TTC39C: variants seen among roughly 807,000 people sequenced by gnomAD.
TTC39C encodes the protein tetratricopeptide repeat domain 39C.
TTC39C carries 33 observed loss-of-function variants against 76.3 expected under a neutral mutation model. The observed-to-expected ratio is 0.43, with a 90% CI of 0.33 to 0.58. The LOEUF (loss-of-function observed/expected upper bound fraction) is 0.58. Ranked by LOEUF, TTC39C falls within the 20% of genes least tolerant of loss-of-function variation. TTC39C has a pLI of 0.04. For synonymous variants in TTC39C, 254 were observed against 260.6 expected (o/e 0.97, Z 0.24); for missense variants, 595 against 701.4 (o/e 0.85, Z 1.71).
intron 1 of TTC39C, 68 bp from the exon 2 acceptor site, chr18:24,064,072 G>A (rs1043142524): frequency 3.7e-5 from 59 of 1,596,024 alleles, no homozygotes; most frequent in Admixed American, 3.5e-4. Flanking sequence ...TATGTCAAAT[G>A]CTTTTAAAAT....
intron 1 of TTC39C, among the ~76,000 whole-genome samples, chr18:24,025,325 C>T (rs6508100): frequency 1 from 152,293 of 152,380 alleles, 76,103 homozygotes; most frequent in Non-Finnish European, 1. Flanking sequence ...GCTTTAAATA[C>T]ATTAAAAGGA....
intron 5 of TTC39C, among the ~76,000 whole-genome samples, chr18:24,082,357 T>C (rs996951654): frequency 4.6e-5 from 7 of 152,154 alleles, no homozygotes; most frequent in African/African-American, 1.7e-4. Flanking sequence ...ATAATTTGTG[T>C]CTGTGGTTTC....
intron 1 of TTC39C, among the ~76,000 whole-genome samples, chr18:24,027,771 T>A (rs1028790378): frequency 2.6e-5 from 4 of 152,058 alleles, no homozygotes; most frequent in African/African-American, 9.7e-5. Context: ...TCTTGCTGTG[T>A]TGGCCAGGCA....
At chr18:24,002,341 A>T (rs2083319787) in intron 1 of TTC39C, among the ~76,000 whole-genome samples, 1 of 152,226 alleles carries the variant, frequency 6.6e-6, no homozygotes, top group Non-Finnish European at 1.5e-5. Context: ...AGGAAAGAGC[A>T]ACTAAAAGAA....
intron 10 of TTC39C, among the ~76,000 whole-genome samples, chr18:24,126,703 A>G (rs1173195168): frequency 6.6e-6 from 1 of 150,776 alleles, no homozygotes; most frequent in Non-Finnish European, 1.5e-5. Context: ...GGCTGGGTGC[A>G]CTGATGTGTT....
upstream of TTC39C, among the ~76,000 whole-genome samples, chr18:24,012,515 A>G (rs909625410): frequency 6.6e-6 from 1 of 152,162 alleles, no homozygotes. Flanking sequence ...ACTCATAAAC[A>G]TAGTGTCATC....
intron 1 of TTC39C, among the ~76,000 whole-genome samples, chr18:23,997,256 A>G (rs922125225): frequency 1.3e-5 from 2 of 151,778 alleles, no homozygotes; most frequent in Admixed American, 6.6e-5. Flanking sequence ...GTCTCTAAAA[A>G]GAAAAATAAA....
At chr18:24,063,923 A>G (rs1230781878) in intron 1 of TTC39C, among the ~76,000 whole-genome samples, 1 of 152,212 alleles carries the variant, frequency 6.6e-6, no homozygotes, top group Non-Finnish European at 1.5e-5. Context: ...CTTGCTTTGA[A>G]GAATCAGAGG....
chr18:24,008,921 A>G (rs1371459115), intron 1 of TTC39C, among the ~76,000 whole-genome samples: 1 of 152,224 alleles, frequency 6.6e-6, no homozygotes, highest in Non-Finnish European at 1.5e-5. Context: ...GAGCTGGAGG[A>G]CATCATCCTT....
At chr18:24,130,086 A>T (rs1218499093) in intron 11 of TTC39C, among the ~76,000 whole-genome samples, 1 of 152,218 alleles carries the variant, frequency 6.6e-6, no homozygotes, top group Non-Finnish European at 1.5e-5. Flanking sequence ...CTGGAAAAAT[A>T]GTAGCACAAA....
chr18:24,089,517 T>C (rs915256099), intron 6 of TTC39C, among the ~76,000 whole-genome samples: 3 of 152,232 alleles, frequency 2.0e-5, no homozygotes, highest in Non-Finnish European at 4.4e-5. Flanking sequence ...AAGGATGTAT[T>C]TGTATCTCAC....
chr18:24,128,420 T>C (rs1387501386), intron 10 of TTC39C, among the ~76,000 whole-genome samples: 1 of 149,150 alleles, frequency 6.7e-6, no homozygotes, highest in Non-Finnish European at 1.5e-5. Context: ...TATAATATTA[T>C]ATAAAATATA....
At chr18:24,064,267 A>G (rs2084138396) in intron 2 of TTC39C, 79 bp downstream of exon 2, 7 of 1,509,496 alleles carry the variant, frequency 4.6e-6, no homozygotes, top group East Asian at 4.5e-5. Context: ...TACCAGTTGT[A>G]TAGATACACT....
chr18:24,063,448 A>T (rs1243764404), intron 1 of TTC39C, among the ~76,000 whole-genome samples: 1 of 151,186 alleles, frequency 6.6e-6, no homozygotes, highest in African/African-American at 2.4e-5. Flanking sequence ...GTAGAAGATT[A>T]TTTTAAAAAT....
intron 4 of TTC39C, among the ~76,000 whole-genome samples, chr18:24,075,955 C>T (rs2084302767): frequency 6.6e-6 from 1 of 152,146 alleles, no homozygotes; most frequent in Non-Finnish European, 1.5e-5. Context: ...TTTCCTCTCG[C>T]CCCCTCCATC....
rs143809323 is a variant in TTC39C at position 24,004,340 on chromosome 18, T to C, written c.-17+11302T>C. ...TTTATCATCTCACAGTATATCCTTG[T>C]TTTTACTGTTTTTGTCTCAGAGGAG... On this transcript the variant is annotated intron_variant, in intron 1 of 13. Coordinates refer to the TTC39C transcript ENST00000304621. 9.8e-5 allele frequency among the ~76,000 whole-genome samples: 15 copies of C among 152,290 alleles called. No individual in the cohort carries two copies. In the East Asian group the frequency reaches 2.1e-3, roughly 22 times the overall value.
rs7241620 is a variant in TTC39C at position 24,022,834 on chromosome 18, C to T, written c.167+7796C>T. ...ATGCTAGTTGTGCTGGAATATTTTA[C>T]GTCATCCAGCCAGGTATATCTTGCT... On this transcript the variant is annotated intron_variant, in intron 1 of 13. Coordinates refer to ENST00000317571, the MANE Select transcript of TTC39C (RefSeq NM_001135993.2). 4.8e-4 allele frequency: 474 copies of T among 985,394 alleles called. 8 individuals carry two copies. The South Asian group carries it at 0.018, about 38-fold the overall frequency. 61.0% of individuals were successfully genotyped at this position (985,394 alleles called of 1,614,324 possible).
At chr18:24,054,746 A>G (rs1301219795) in intron 1 of TTC39C, among the ~76,000 whole-genome samples, 1 of 152,216 alleles carries the variant, frequency 6.6e-6, no homozygotes, top group African/African-American at 2.4e-5. Context: ...TTGTGGTAAA[A>G]TATACATAAC....
intron 1 of TTC39C, among the ~76,000 whole-genome samples, chr18:24,024,854 A>C (rs2083578102): frequency 6.6e-6 from 1 of 152,082 alleles, no homozygotes; most frequent in Non-Finnish European, 1.5e-5. Flanking sequence ...ACCCAAAATA[A>C]ATAGTTGGTT....
Sources: gnomAD v4.1 joint callset for allele counts (sites outside exome capture counted in the v4.1 genomes callset) on GRCh38, gnomAD v4.1.1 for gene constraint, MANE v1.5 for transcripts, NCBI Gene and HGNC (gene_info 2026-07-23, HGNC 2026-07-21) for gene names.